The following TMEM117 variants were observed in gnomAD, a reference collection of about 807,000 sequenced individuals.
The protein encoded by TMEM117 is transmembrane protein 117.
Under a neutral mutation model 52.4 loss-of-function variants are expected in TMEM117, and 27 were observed. The ratio of observed to expected loss-of-function variants is 0.51; its 90% CI spans 0.38 to 0.71. The LOEUF (loss-of-function observed/expected upper bound fraction) is 0.71, where lower values mean the gene tolerates loss of function less well. TMEM117 is among the 30% of genes least tolerant of loss of function. The pLI is 0.00. For synonymous variants in TMEM117, 215 were observed against 206.3 expected (o/e 1.04, Z -0.36); for missense variants, 556 against 630.5 (o/e 0.88, Z 1.26).
rs865906654 is a variant in TMEM117 at position 44,027,155 on chromosome 12, T to G, written c.410+82813T>G. Among the ~76,000 whole-genome samples, 125 of 126,812 alleles carry G rather than the reference T, an allele frequency of 9.9e-4. 1 individual carries two copies. The highest frequency in any genetic ancestry group is 4.0e-3 in the Middle Eastern group (1 of 248). The allele number at this position is 126,812 out of a possible 152,430, so 83.2% of individuals were successfully genotyped here. On this transcript the variant is annotated intron_variant, in intron 3 of 7. Transcript: ENST00000266534. ...TTATATTTTATTTTATTTTATTTTA[T>G]TTTATTTTATTTTATTTTATTTTAT... is the stretch of plus-strand genomic sequence containing the variant.
chr12:44,005,601 G>A (rs571326820), intron 3 of TMEM117, among the ~76,000 whole-genome samples: 3 of 152,298 alleles, frequency 2.0e-5, no homozygotes, highest in South Asian at 2.1e-4. Flanking sequence ...AGGTCACAGC[G>A]CTGTCCTTGC....
intron 4 of TMEM117, among the ~76,000 whole-genome samples, chr12:44,167,188 G>A (rs552435308): frequency 3.9e-5 from 6 of 152,198 alleles, no homozygotes; most frequent in East Asian, 1.9e-4. Flanking sequence ...CATATTGAAC[G>A]TCTCCACAGA....
At chr12:44,110,340 G>T (rs1948037467) in intron 3 of TMEM117, among the ~76,000 whole-genome samples, 1 of 133,404 alleles carries the variant, frequency 7.5e-6, no homozygotes, top group Non-Finnish European at 1.6e-5. Flanking sequence ...TTGGCTGTGG[G>T]TTTGTCATAG....
intron 3 of TMEM117, among the ~76,000 whole-genome samples, chr12:43,982,430 G>A (rs922303812): frequency 1.3e-5 from 2 of 152,078 alleles, no homozygotes; most frequent in Non-Finnish European, 2.9e-5. Flanking sequence ...TTCACGTTAG[G>A]TACAGGAAAA....
intron 4 of TMEM117, among the ~76,000 whole-genome samples, chr12:44,201,243 A>T (rs1346553032): frequency 3.3e-5 from 5 of 152,180 alleles, no homozygotes; most frequent in African/African-American, 1.2e-4. Context: ...AGAAAATTAG[A>T]TAAATAAAGG....
chr12:44,097,281 T>C (rs1165677176), intron 3 of TMEM117, among the ~76,000 whole-genome samples: 1 of 152,086 alleles, frequency 6.6e-6, no homozygotes, highest in East Asian at 1.9e-4. Context: ...TGTAAACTAG[T>C]TCAACCATTG....
chr12:44,358,656 G>T (rs746807543), intron 6 of TMEM117, among the ~76,000 whole-genome samples: 3 of 152,122 alleles, frequency 2.0e-5, no homozygotes, highest in Admixed American at 6.6e-5. Context: ...GGGAGAGAAT[G>T]AAAATGAGAA....
chr12:44,252,965 G>T (rs960144560), intron 5 of TMEM117, among the ~76,000 whole-genome samples: 4 of 151,918 alleles, frequency 2.6e-5, no homozygotes, highest in African/African-American at 7.3e-5. Context: ...AGAAGAGGTC[G>T]GAAAAAGAGG....
chr12:44,345,800 A>G (rs1438705221), intron 6 of TMEM117, among the ~76,000 whole-genome samples: 1 of 152,114 alleles, frequency 6.6e-6, no homozygotes, highest in Non-Finnish European at 1.5e-5. Flanking sequence ...ACATTTTAAA[A>G]TTGAAAATAT....
chr12:44,369,580 T>G (rs1951834914), intron 6 of TMEM117, among the ~76,000 whole-genome samples: 1 of 152,342 alleles, frequency 6.6e-6, no homozygotes, highest in Admixed American at 6.5e-5. Flanking sequence ...ATAAAATAGA[T>G]CCTTAGGATA....
chr12:43,989,494 G>A (rs564750549), intron 3 of TMEM117, among the ~76,000 whole-genome samples: 8 of 151,760 alleles, frequency 5.3e-5, no homozygotes, highest in East Asian at 1.9e-4. Flanking sequence ...TGTTCTACCC[G>A]TGGCTGGTTT....
At chr12:44,243,002 T>A (rs1276889503) in intron 5 of TMEM117, among the ~76,000 whole-genome samples, 1 of 151,970 alleles carries the variant, frequency 6.6e-6, no homozygotes, top group Non-Finnish European at 1.5e-5. Context: ...TCTCTAATGA[T>A]CACTGATATT....
intron 3 of TMEM117, among the ~76,000 whole-genome samples, chr12:44,105,728 G>C (rs1156288343): frequency 6.6e-6 from 1 of 152,030 alleles, no homozygotes; most frequent in Non-Finnish European, 1.5e-5. Context: ...GAGGGGTCTA[G>C]AGTTGGGTAT....
At chr12:44,247,673 C>T (rs553889469) in intron 5 of TMEM117, among the ~76,000 whole-genome samples, 2 of 152,318 alleles carry the variant, frequency 1.3e-5, no homozygotes, top group East Asian at 3.9e-4. Context: ...CATCACTAAT[C>T]ACCAGAGCAG....
intron 7 of TMEM117, among the ~76,000 whole-genome samples, chr12:44,381,170 T>C (rs529505292): frequency 1.3e-5 from 2 of 152,306 alleles, no homozygotes; most frequent in South Asian, 4.1e-4. Context: ...ATCATTTCTA[T>C]CCAAGAGTGT....
chr12:44,372,212 A>G (rs1356221736), intron 6 of TMEM117, among the ~76,000 whole-genome samples: 1 of 152,196 alleles, frequency 6.6e-6, no homozygotes, highest in Non-Finnish European at 1.5e-5. Flanking sequence ...AAAATAAATG[A>G]ATATTTCATA....
At chr12:44,365,250 G>A (rs541844233) in intron 6 of TMEM117, among the ~76,000 whole-genome samples, 2 of 152,106 alleles carry the variant, frequency 1.3e-5, no homozygotes, top group South Asian at 2.1e-4. Flanking sequence ...TTTGCAATGT[G>A]TGTTAGACAG....
At chr12:43,843,598 C>G (rs576252404) in intron 1 of TMEM117, among the ~76,000 whole-genome samples, 4 of 152,194 alleles carry the variant, frequency 2.6e-5, no homozygotes, top group African/African-American at 9.7e-5. Context: ...TTTTGCAGTG[C>G]TCTGTGCCTT....
intron 3 of TMEM117, among the ~76,000 whole-genome samples, chr12:43,963,697 A>G (rs992490653): frequency 2.0e-5 from 3 of 152,234 alleles, no homozygotes; most frequent in Admixed American, 6.5e-5. Context: ...ATTTAGGACT[A>G]GAAGATGCAA....
Sources: allele counts gnomAD v4.1 joint callset (sites outside exome capture counted in the v4.1 genomes callset), GRCh38; gene constraint gnomAD v4.1.1; transcripts MANE v1.5; gene names NCBI Gene and HGNC (gene_info 2026-07-23, HGNC 2026-07-21).